ABCA13: variants seen among roughly 807,000 people sequenced by gnomAD.
The protein encoded by ABCA13 is ATP-binding cassette sub-family A member 13.
A neutral mutation model predicts 478.7 loss-of-function variants in ABCA13; 476 were observed. The observed-to-expected ratio is 0.99, with a 90% CI of 0.92 to 1.07. The LOEUF (loss-of-function observed/expected upper bound fraction) is 1.07. ABCA13 is among the 50% of genes least tolerant of loss of function. The probability of loss-of-function intolerance (pLI) is 0.00; values close to 1 mark genes in which losing one functional copy is unlikely to be tolerated. For missense variants in ABCA13, 6,060 were observed against 5,910.6 expected, an observed-to-expected ratio of 1.03 and a Z score of -0.83; for synonymous variants, 2,252 against 2,158.9, an observed-to-expected ratio of 1.04 and a Z score of -1.20.
intron 55 of ABCA13, among the ~76,000 whole-genome samples, chr7:48,577,857 A>G (rs528206650): frequency 6.6e-6 from 1 of 152,264 alleles, no homozygotes; most frequent in South Asian, 2.1e-4. Context: ...CTAACAATGT[A>G]CGAAAAGAAT....
At chr7:48,574,573 T>TA (rs1787982175) in intron 55 of ABCA13, among the ~76,000 whole-genome samples, 1 of 152,198 alleles carries the variant, frequency 6.6e-6, no homozygotes, top group Non-Finnish European at 1.5e-5. Context: ...CACCTAGAGT[T>TA]ACAGGGTTTT....
chr7:48,550,254 T>C (rs1301503939), intron 55 of ABCA13, among the ~76,000 whole-genome samples: 2 of 142,816 alleles, frequency 1.4e-5, no homozygotes, highest in African/African-American at 5.4e-5. Context: ...CTCTTTGAAG[T>C]CTCTATTTTT....
chr7:48,186,973 G>A (rs1486506788), intron 1 of ABCA13, among the ~76,000 whole-genome samples: 1 of 150,030 alleles, frequency 6.7e-6, no homozygotes, highest in African/African-American at 2.5e-5. Flanking sequence ...TCATTATTGA[G>A]AATATGTATA....
intron 42 of ABCA13, among the ~76,000 whole-genome samples, chr7:48,451,393 G>C (rs973168523): frequency 2.6e-5 from 4 of 151,966 alleles, no homozygotes; most frequent in African/African-American, 9.7e-5. Flanking sequence ...GATCAAAGGC[G>C]ATCTGTATTT....
intron 46 of ABCA13, among the ~76,000 whole-genome samples, chr7:48,481,443 A>G (rs1828748367): frequency 6.6e-6 from 1 of 152,254 alleles, no homozygotes; most frequent in Admixed American, 6.5e-5. Context: ...ATGGACCTTA[A>G]TAAGATTCCT....
At chr7:48,430,069 C>T (rs142304187) in intron 42 of ABCA13, among the ~76,000 whole-genome samples, 65 of 151,712 alleles carry the variant, frequency 4.3e-4, no homozygotes, top group African/African-American at 1.5e-3. Flanking sequence ...AGAGGTGATC[C>T]CTTCTCTTCT....
intron 18 of ABCA13, 103 bp downstream of exon 18, chr7:48,280,023 G>A: frequency 8.1e-7 from 1 of 1,234,846 alleles, no homozygotes; most frequent in Non-Finnish European, 1.1e-6. Flanking sequence ...AGTTCTTCTT[G>A]ACTTCAACTT....
At chr7:48,350,156 C>T (rs994492811) in intron 29 of ABCA13, among the ~76,000 whole-genome samples, 4 of 152,228 alleles carry the variant, frequency 2.6e-5, no homozygotes, top group African/African-American at 7.2e-5. Context: ...TTGGTTTCCT[C>T]AGTGTCCATG....
At chr7:48,260,978 C>A (rs902472109) in intron 15 of ABCA13, among the ~76,000 whole-genome samples, 29 of 151,724 alleles carry the variant, frequency 1.9e-4, no homozygotes, top group African/African-American at 6.8e-4. Context: ...ATTTTTAGAG[C>A]TTGTATGTCT....
At chr7:48,464,941 C>T (rs1445788407) in intron 43 of ABCA13, among the ~76,000 whole-genome samples, 2 of 152,138 alleles carry the variant, frequency 1.3e-5, no homozygotes, top group East Asian at 3.9e-4. Context: ...GGTGTTCCAA[C>T]CAAGGTTTCC....
intron 59 of ABCA13, among the ~76,000 whole-genome samples, chr7:48,637,404 A>AAAC (rs1794751980): frequency 6.8e-6 from 1 of 147,292 alleles, no homozygotes; most frequent in Non-Finnish European, 1.5e-5. Context: ...AAAAAAAAAA[A>AAAC]AACAGAGAGA....
chr7:48,180,087 A>G (rs1795456825), intron 1 of ABCA13, among the ~76,000 whole-genome samples: 1 of 152,120 alleles, frequency 6.6e-6, no homozygotes, highest in African/African-American at 2.4e-5. Flanking sequence ...AACAACACCA[A>G]TACAGCACTC....
At chr7:48,235,333 C>T (rs1293690583) in intron 8 of ABCA13, among the ~76,000 whole-genome samples, 1 of 152,156 alleles carries the variant, frequency 6.6e-6, no homozygotes, top group Non-Finnish European at 1.5e-5. Flanking sequence ...CTAGTTTTCT[C>T]CATCTTTATA....
chr7:48,276,883 T>C (rs974667187), intron 17 of ABCA13, among the ~76,000 whole-genome samples: 1 of 152,348 alleles, frequency 6.6e-6, no homozygotes. Context: ...TACATGCATA[T>C]ACAGGATTGA....
At chr7:48,289,009 A>G (rs1798144071) in intron 20 of ABCA13, among the ~76,000 whole-genome samples, 1 of 152,194 alleles carries the variant, frequency 6.6e-6, no homozygotes, top group Admixed American at 6.5e-5. Flanking sequence ...TTTGTGATCC[A>G]TATTATCTGT....
intron 55 of ABCA13, among the ~76,000 whole-genome samples, chr7:48,536,476 C>T (rs1833590740): frequency 6.6e-6 from 1 of 151,956 alleles, no homozygotes; most frequent in African/African-American, 2.4e-5. Flanking sequence ...GGTGAAACCC[C>T]ATCTCTACTA....
intron 1 of ABCA13, among the ~76,000 whole-genome samples, chr7:48,175,788 C>G (rs1221290183): frequency 6.6e-6 from 1 of 152,110 alleles, no homozygotes; most frequent in African/African-American, 2.4e-5. Context: ...CTCATTCCTC[C>G]TATCTAGCTG....
rs1023040080 is a variant in ABCA13, at chr7:48,535,832, G to A, written c.14354+7487G>A. On this transcript the variant is annotated intron_variant, in intron 55 of 61. Transcript: ENST00000435803. Reference sequence around the variant, plus strand: ...GCTTTACCCCGCTGCCATACAGCCTGCAGTCCTAAAGACAGGTCTCACTCC... The same window carrying A: ...GCTTTACCCCGCTGCCATACAGCCTACAGTCCTAAAGACAGGTCTCACTCC... Among the ~76,000 whole-genome samples the A allele has an allele frequency of 3.9e-5, 6 of 152,252 alleles. No individual in the cohort carries two copies. In the East Asian group the frequency reaches 9.7e-4, roughly 25 times the overall value.
intron 29 of ABCA13, among the ~76,000 whole-genome samples, chr7:48,346,826 T>A (rs1204220466): frequency 6.6e-6 from 1 of 152,220 alleles, no homozygotes; most frequent in Non-Finnish European, 1.5e-5. Context: ...GCAATTGCCA[T>A]GGGAGCAAAG....
Sources: allele counts gnomAD v4.1 joint callset (sites outside exome capture counted in the v4.1 genomes callset), GRCh38; gene constraint gnomAD v4.1.1; transcripts MANE v1.5; gene names NCBI Gene and HGNC (gene_info 2026-07-23, HGNC 2026-07-21).